Variants in BRSK1 observed in about 807,000 individuals in gnomAD.
The protein encoded by BRSK1 is BR serine/threonine kinase 1.
A neutral mutation model predicts 86.2 loss-of-function variants in BRSK1; 17 were observed. The ratio of observed to expected loss-of-function variants is 0.20; its 90% CI spans 0.14 to 0.30. BRSK1 has a LOEUF of 0.30. Ranked by LOEUF, BRSK1 falls within the 10% of genes least tolerant of loss-of-function variation. The pLI, the probability that BRSK1 is intolerant of heterozygous loss-of-function variation, is 1.00. For synonymous variants in BRSK1, 464 were observed against 440.1 expected, an observed-to-expected ratio of 1.05 and a Z score of -0.68; for missense variants, 719 against 1,071.9, an observed-to-expected ratio of 0.67 and a Z score of 4.60.
Position 55,302,029 on chromosome 19 carries a change from T to A in BRSK1, c.826-108T>A. On this transcript the variant is annotated intron_variant, in intron 8 of 18. Coordinates refer to ENST00000309383, the MANE Select transcript of BRSK1 (RefSeq NM_032430.2). This position sits in a 1 kb window ranked among gnomAD's most constrained non-coding sequence, Gnocchi z 6.3. ...ATATGTCATCCTGCCCCCGGTGGGG[T>A]GGGCGGGGAGATGATCAGGGACCCC... The A allele has an allele frequency of 1.6e-6, 2 of 1,249,354 alleles. No homozygotes were observed. Among genetic ancestry groups the A allele is most frequent in the Non-Finnish European group, 2.4e-6 (2 of 849,686 alleles). 77.4% of individuals were successfully genotyped at this position (1,249,354 alleles called of 1,614,324 possible).
In BRSK1 at chr19:55,294,326, C is replaced by G. The variant is rs200460715; in HGVS notation, c.610-3C>G. On this transcript the variant is annotated splice_polypyrimidine_tract_variant and splice_region_variant and intron_variant, in intron 6 of 18. Coordinates refer to ENST00000309383, the MANE Select transcript of BRSK1 (RefSeq NM_032430.2). The surrounding 1 kb of genome is among the most constrained non-coding windows in gnomAD (Gnocchi z 4.9). ...TGAAGTCACAACTGGCCTTCCCTTC[C>G]AGGGGGAAAAATATGATGGCCGCCG... is the stretch of plus-strand genomic sequence containing the variant. 6.2e-7 allele frequency: 1 copy of G among 1,614,102 alleles called. No homozygotes were observed. The highest frequency in any genetic ancestry group is 1.3e-5 in the African/African-American group (1 of 75,010).
chr19:55,310,338 A>T lies in BRSK1; in HGVS notation c.2180-1573A>T, dbSNP rs1042244912. 1.3e-5 allele frequency among the ~76,000 whole-genome samples: 2 copies of T among 152,110 alleles called. No individual in the cohort carries two copies. Among genetic ancestry groups the T allele is most frequent in the African/African-American group, 4.8e-5 (2 of 41,430 alleles). On this transcript the variant is annotated intron_variant, in intron 18 of 18. Transcript: ENST00000309383. The surrounding 1 kb of genome is among the most constrained non-coding windows in gnomAD (Gnocchi z 5.0). ...GGCCCGTTCCTCCATCTTCAAAGCC[A>T]GTGACGCCATATATCCCTCTGACTG...
intron 7 of BRSK1, among the ~76,000 whole-genome samples, chr19:55,296,423 C>T (rs529335686): frequency 5.3e-5 from 8 of 152,200 alleles, no homozygotes; most frequent in Admixed American, 1.3e-4. Context: ...GTTGTCCGGG[C>T]GCAATGACTC....
At position 55,304,225 on chromosome 19, in the gene BRSK1, C is replaced by A; in HGVS notation, c.1347+115C>A. 1 of 1,150,978 alleles carries A rather than the reference C, an allele frequency of 8.7e-7. No individual in the cohort carries two copies. Among genetic ancestry groups the A allele is most frequent in the Non-Finnish European group, 1.2e-6 (1 of 822,844 alleles). 71.3% of individuals were successfully genotyped at this position (1,150,978 alleles called of 1,614,324 possible). ...CAGTCTTGAGACTTGCTTCTTTGTC[C>A]CTGGAGGGCCAAAGACCCAAGGCCT... On this transcript the variant is annotated intron_variant, in intron 13 of 18. Transcript: ENST00000309383. The surrounding 1 kb of genome is among the most constrained non-coding windows in gnomAD (Gnocchi z 5.2).
chr19:55,288,700 G>C (rs183667440), intron 3 of BRSK1, among the ~76,000 whole-genome samples: 6 of 151,700 alleles, frequency 4.0e-5, no homozygotes, highest in Admixed American at 3.9e-4. Context: ...ATTCTCCTGC[G>C]TCAGCCTCCC....
At position 55,284,293 on chromosome 19, in the gene BRSK1, G is replaced by T. The variant is rs946642939; in HGVS notation, c.-150G>T. 1 of 634,904 alleles carries T rather than the reference G, an allele frequency of 1.6e-6. No homozygotes were observed. Among genetic ancestry groups the T allele is most frequent in the South Asian group, 7.9e-5 (1 of 12,666 alleles). The allele number at this position is 634,904 out of a possible 1,614,324, so 39.3% of individuals were successfully genotyped here. ...AGCTCCGCGGCCCGCCGACTGGGGG[G>T]GGCCAGCCCAGCCCCCTGGGGACCC... On this transcript the variant is annotated 5_prime_UTR_variant, in exon 1 of 19. Coordinates refer to ENST00000309383, the MANE Select transcript of BRSK1 (RefSeq NM_032430.2).
intron 4 of BRSK1, among the ~76,000 whole-genome samples, chr19:55,292,198 A>G (rs530770650): frequency 1.3e-5 from 2 of 152,240 alleles, no homozygotes; most frequent in Admixed American, 1.3e-4. Context: ...AAACTGCAGA[A>G]TCCTACACTC....
Position 55,301,753 on chromosome 19 carries a change from T to C in BRSK1, c.825+95T>C, listed in dbSNP as rs2088572218. On this transcript the variant is annotated intron_variant, in intron 8 of 18. Transcript: ENST00000309383. ...ATGGGGATGGGTTTCCAGAACCTGC[T>C]CGTCAGTCCCCAGGGTGACTGGGAT... 9 of 1,413,818 alleles carry C rather than the reference T, an allele frequency of 6.4e-6. No homozygotes were observed. The South Asian group carries it at 9.3e-5, about 15-fold the overall frequency. The allele number at this position is 1,413,818 out of a possible 1,614,324, so 87.6% of individuals were successfully genotyped here. A position where few individuals can be genotyped will look rare whatever the true frequency, so the allele number is the denominator to read the frequency against.
chr19:55,289,077 C>T (rs1412056282), intron 3 of BRSK1, among the ~76,000 whole-genome samples: 1 of 152,190 alleles, frequency 6.6e-6, no homozygotes, highest in African/African-American at 2.4e-5. Context: ...ATCTTCACTT[C>T]CCAGGGTCCT....
At chr19:55,291,023 G>A (rs1403791662) in intron 4 of BRSK1, among the ~76,000 whole-genome samples, 3 of 152,044 alleles carry the variant, frequency 2.0e-5, no homozygotes, top group Admixed American at 1.3e-4. Context: ...TTTTCTAGAA[G>A]TTGTATAGTT....
chr19:55,296,515 T>C (rs1001239713), intron 7 of BRSK1, among the ~76,000 whole-genome samples: 1 of 151,084 alleles, frequency 6.6e-6, no homozygotes, highest in East Asian at 2.0e-4. Flanking sequence ...CTGGGCAACA[T>C]AGCAAGCAAG....
chr19:55,297,285 C>T (rs1252337347), intron 7 of BRSK1, among the ~76,000 whole-genome samples: 1 of 151,966 alleles, frequency 6.6e-6, no homozygotes, highest in East Asian at 2.0e-4. Context: ...CCATTTTGTC[C>T]AGGCTGGTCT....
chr19:55,297,906 C>A (rs1202501419), intron 7 of BRSK1, among the ~76,000 whole-genome samples: 1 of 151,606 alleles, frequency 6.6e-6, no homozygotes, highest in African/African-American at 2.4e-5. Context: ...CCTCCACCTC[C>A]CAGGTTCAAG....
chr19:55,299,638 G>A (rs746858793), intron 7 of BRSK1, among the ~76,000 whole-genome samples: 16 of 152,016 alleles, frequency 1.1e-4, no homozygotes, highest in Non-Finnish European at 2.1e-4. Flanking sequence ...CTCGCCCCTT[G>A]GCCTCCCAAA....
intron 4 of BRSK1, among the ~76,000 whole-genome samples, chr19:55,292,604 C>T (rs994893578): frequency 8.6e-5 from 13 of 151,856 alleles, no homozygotes; most frequent in Admixed American, 8.5e-4. Context: ...GAGGCCGAGG[C>T]AGGTGGATTA....
In BRSK1 at chr19:55,303,593, G is replaced by A; in HGVS notation, c.1127-74G>A. ...CCACTCTAGGCCTGTTTCCCCATGT[G>A]TGCAGTTTCTGAGGCAGTTGTACAC... On this transcript the variant is annotated intron_variant, in intron 11 of 18. Transcript: ENST00000309383. This position sits in a 1 kb window ranked among gnomAD's most constrained non-coding sequence, Gnocchi z 5.1. 1 of 1,542,358 alleles carries A rather than the reference G, an allele frequency of 6.5e-7. No homozygotes were observed. The highest frequency in any genetic ancestry group is 8.8e-7 in the Non-Finnish European group (1 of 1,138,154).
At chr19:55,300,334 G>A (rs1197531053) in intron 7 of BRSK1, among the ~76,000 whole-genome samples, 3 of 152,164 alleles carry the variant, frequency 2.0e-5, no homozygotes, top group African/African-American at 7.2e-5. Context: ...TGGGTGCTGT[G>A]ACGACCCATT....
intron 18 of BRSK1, among the ~76,000 whole-genome samples, chr19:55,311,476 C>T (rs1341500531): frequency 1.3e-5 from 2 of 152,166 alleles, no homozygotes; most frequent in Non-Finnish European, 2.9e-5. Context: ...CAGTAGGCTC[C>T]CTTGAGCCCA....
chr19:55,305,930 A>G (rs1248380139), intron 16 of BRSK1, among the ~76,000 whole-genome samples: 3 of 152,222 alleles, frequency 2.0e-5, no homozygotes, highest in African/African-American at 7.2e-5. Flanking sequence ...GATGGGACTT[A>G]GAGTTTCTGT....
Sources: gnomAD v4.1 joint callset for allele counts (sites outside exome capture counted in the v4.1 genomes callset) on GRCh38, gnomAD v4.1.1 for gene constraint, Gnocchi (gnomAD v3.1) non-coding constraint, MANE v1.5 for transcripts, NCBI Gene and HGNC (gene_info 2026-07-23, HGNC 2026-07-21) for gene names.